The following ADAMTS12 variants were observed in gnomAD, a reference collection of about 807,000 sequenced individuals.
The protein encoded by ADAMTS12 is A disintegrin and metalloproteinase with thrombospondin motifs 12.
Under a neutral mutation model 167.8 loss-of-function variants are expected in ADAMTS12, and 118 were observed. The ratio of observed to expected loss-of-function variants is 0.70; its 90% CI spans 0.61 to 0.82. The LOEUF (loss-of-function observed/expected upper bound fraction) is 0.82, where lower values mean the gene tolerates loss of function less well. Among genes scored for constraint, ADAMTS12 ranks in the 40% least tolerant of loss-of-function variants. ADAMTS12 has a pLI of 0.00. For missense variants in ADAMTS12, 1,916 were observed against 1,998.8 expected (o/e 0.96, Z 0.79); for synonymous variants, 704 against 716.9 (o/e 0.98, Z 0.29).
chr5:33,869,755 C>T (rs2111729754), intron 2 of ADAMTS12, among the ~76,000 whole-genome samples: 1 of 152,276 alleles, frequency 6.6e-6, no homozygotes, highest in East Asian at 1.9e-4. Context: ...AGATCCATGT[C>T]CCACTGGGCA....
At chr5:33,739,833 C>G (rs180880338) in intron 3 of ADAMTS12, among the ~76,000 whole-genome samples, 2 of 152,260 alleles carry the variant, frequency 1.3e-5, no homozygotes, top group African/African-American at 4.8e-5. Context: ...GGCAGAAGGC[C>G]TGGGAGGAGA....
chr5:33,737,033 A>C (rs1744398920), intron 3 of ADAMTS12, among the ~76,000 whole-genome samples: 1 of 152,230 alleles, frequency 6.6e-6, no homozygotes, highest in Non-Finnish European at 1.5e-5. Context: ...GTGCACTTCT[A>C]CTTACTGAGA....
chr5:33,610,202 C>CAA (rs200559275), intron 16 of ADAMTS12, among the ~76,000 whole-genome samples: 1 of 151,454 alleles, frequency 6.6e-6, no homozygotes, highest in African/African-American at 2.4e-5. Context: ...ACAACAACAG[C>CAA]AACAACAAAA....
At chr5:33,812,604 A>G (rs550905100) in intron 2 of ADAMTS12, among the ~76,000 whole-genome samples, 1 of 152,354 alleles carries the variant, frequency 6.6e-6, no homozygotes, top group East Asian at 1.9e-4. Flanking sequence ...GACTTCATGT[A>G]AATAAATGGA....
intron 2 of ADAMTS12, among the ~76,000 whole-genome samples, chr5:33,837,041 G>C (rs1748555713): frequency 6.6e-6 from 1 of 151,998 alleles, no homozygotes; most frequent in East Asian, 1.9e-4. Flanking sequence ...GGACCACCAT[G>C]CCCAGCCCTG....
intron 3 of ADAMTS12, among the ~76,000 whole-genome samples, chr5:33,704,558 T>A (rs1204960829): frequency 1.3e-5 from 2 of 152,158 alleles, no homozygotes; most frequent in African/African-American, 4.8e-5. Flanking sequence ...TGTAAAATAA[T>A]GTCTTATTGT....
intron 3 of ADAMTS12, among the ~76,000 whole-genome samples, chr5:33,745,725 G>C (rs781190928): frequency 1.3e-5 from 2 of 151,266 alleles, no homozygotes; most frequent in African/African-American, 4.9e-5. Context: ...TTGCATGAAG[G>C]CTGGTTAATG....
At chr5:33,538,176 G>T (rs1431876750) in intron 22 of ADAMTS12, among the ~76,000 whole-genome samples, 1 of 152,204 alleles carries the variant, frequency 6.6e-6, no homozygotes, top group South Asian at 2.1e-4. Context: ...CCACAGGGCT[G>T]GGGAGGCCTC....
intron 3 of ADAMTS12, among the ~76,000 whole-genome samples, chr5:33,715,362 T>C (rs891307153): frequency 1.3e-5 from 2 of 152,056 alleles, no homozygotes; most frequent in African/African-American, 4.8e-5. Flanking sequence ...CTTAGCAAGT[T>C]TGGGGGGACA....
chr5:33,691,096 T>C (rs867446479), intron 3 of ADAMTS12, among the ~76,000 whole-genome samples: 1 of 152,200 alleles, frequency 6.6e-6, no homozygotes, highest in Non-Finnish European at 1.5e-5. Context: ...TTCTTACAGT[T>C]TCTTTGTCCT....
chr5:33,541,019 A>G (rs1744671569), intron 22 of ADAMTS12, among the ~76,000 whole-genome samples: 1 of 152,214 alleles, frequency 6.6e-6, no homozygotes, highest in Non-Finnish European at 1.5e-5. Context: ...TCGGAAGGTC[A>G]GTAATAACAA....
At chr5:33,629,414 C>A (rs142144897) in intron 13 of ADAMTS12, among the ~76,000 whole-genome samples, 1 of 152,232 alleles carries the variant, frequency 6.6e-6, no homozygotes, top group African/African-American at 2.4e-5. Flanking sequence ...AATCTGTTTT[C>A]TAAGAGTTCA....
intron 3 of ADAMTS12, among the ~76,000 whole-genome samples, chr5:33,686,087 G>A (rs533829670): frequency 1.3e-5 from 2 of 152,204 alleles, no homozygotes; most frequent in South Asian, 4.2e-4. Flanking sequence ...TTGCTGGGTG[G>A]GGACAGGTCT....
chr5:33,733,926 A>G (rs1406212147), intron 3 of ADAMTS12, among the ~76,000 whole-genome samples: 1 of 151,910 alleles, frequency 6.6e-6, no homozygotes, highest in East Asian at 1.9e-4. Flanking sequence ...AGAAACACCC[A>G]AGGTCTCAGA....
chr5:33,855,943 G>T (rs1749386164), intron 2 of ADAMTS12, among the ~76,000 whole-genome samples: 1 of 152,062 alleles, frequency 6.6e-6, no homozygotes, highest in South Asian at 2.1e-4. Context: ...CGTTGTGTAG[G>T]TTTGTCTCCA....
At chr5:33,774,239 C>A (rs1745838327) in intron 2 of ADAMTS12, among the ~76,000 whole-genome samples, 1 of 152,086 alleles carries the variant, frequency 6.6e-6, no homozygotes, top group South Asian at 2.1e-4. Context: ...GTAAACGAAC[C>A]AGACATTCCT....
chr5:33,534,461 A>T (rs1240599268), intron 23 of ADAMTS12, among the ~76,000 whole-genome samples: 1 of 152,166 alleles, frequency 6.6e-6, no homozygotes, highest in African/African-American at 2.4e-5. Flanking sequence ...TATAGAGATG[A>T]CCATTTCACA....
intron 2 of ADAMTS12, among the ~76,000 whole-genome samples, chr5:33,857,592 G>GA (rs201706985): frequency 3.3e-5 from 5 of 151,686 alleles, no homozygotes; most frequent in East Asian, 1.9e-4. Flanking sequence ...GGCTGGAAAA[G>GA]AAAAAAAACT....
At chr5:33,829,141 C>T (rs988529108) in intron 2 of ADAMTS12, among the ~76,000 whole-genome samples, 1 of 152,112 alleles carries the variant, frequency 6.6e-6, no homozygotes, top group Admixed American at 6.5e-5. Flanking sequence ...TGGCACCTTT[C>T]GTCAGGCTAC....
Sources: allele counts gnomAD v4.1 joint callset (sites outside exome capture counted in the v4.1 genomes callset), GRCh38; gene constraint gnomAD v4.1.1; transcripts MANE v1.5; gene names NCBI Gene and HGNC (gene_info 2026-07-23, HGNC 2026-07-21).